Variants in PTPRA observed in about 807,000 individuals in gnomAD.
The protein encoded by PTPRA is receptor-type tyrosine-protein phosphatase alpha.
A neutral mutation model predicts 104.8 loss-of-function variants in PTPRA; 25 were observed. That is an observed-to-expected ratio of 0.24 (90% CI 0.17 to 0.33). The LOEUF (loss-of-function observed/expected upper bound fraction) is 0.33, where lower values mean the gene tolerates loss of function less well. Ranked by LOEUF, PTPRA falls within the 10% of genes least tolerant of loss-of-function variation. The pLI is 1.00. For missense variants in PTPRA, 765 were observed against 1,015.3 expected (o/e 0.75, Z 3.35); for synonymous variants, 323 against 368.9 (o/e 0.88, Z 1.43).
chr20:2,937,325 A>G (rs948662270), intron 2 of PTPRA, among the ~76,000 whole-genome samples: 4 of 151,862 alleles, frequency 2.6e-5, no homozygotes, highest in Admixed American at 1.3e-4. Context: ...AGGTTTCACC[A>G]TGTTGGCCAG....
chr20:2,978,763 G>A (rs2062549599), intron 6 of PTPRA, among the ~76,000 whole-genome samples: 1 of 152,128 alleles, frequency 6.6e-6, no homozygotes, highest in Non-Finnish European at 1.5e-5. Flanking sequence ...ACTCAGCTCT[G>A]CCTTTGTAAT....
In PTPRA at chr20:3,027,693, C is replaced by T; in HGVS notation, c.1786-14C>T. ...TAAACCATCTCACCCTTGCAATTAACCTGGCCTGTGCAGGGCTACCGGCAG... is the reference window on the plus strand; with the variant it reads ...TAAACCATCTCACCCTTGCAATTAATCTGGCCTGTGCAGGGCTACCGGCAG... On this transcript the variant is annotated splice_polypyrimidine_tract_variant and intron_variant, in intron 19 of 23. Coordinates refer to ENST00000399903, the MANE Select transcript of PTPRA (RefSeq NM_001385305.1). 1 of 1,612,872 alleles carries T rather than the reference C, an allele frequency of 6.2e-7. No homozygotes were observed. The highest frequency in any genetic ancestry group is 8.5e-7 in the Non-Finnish European group (1 of 1,179,550).
chr20:2,944,266 T>C (rs145253081), intron 2 of PTPRA, among the ~76,000 whole-genome samples: 2,340 of 152,208 alleles, frequency 0.015, 121 homozygotes, highest in Admixed American at 0.09. Context: ...GGTCTCGAAC[T>C]CCTCACCTCA....
At chr20:2,949,939 T>C (rs2061298086) in intron 3 of PTPRA, among the ~76,000 whole-genome samples, 2 of 152,148 alleles carry the variant, frequency 1.3e-5, no homozygotes, top group Admixed American at 6.5e-5. Context: ...AACTGGATCA[T>C]GATTTATCTT....
At chr20:2,998,645 C>A (rs1249242014) in intron 9 of PTPRA, among the ~76,000 whole-genome samples, 1 of 152,068 alleles carries the variant, frequency 6.6e-6, no homozygotes, top group African/African-American at 2.4e-5. Flanking sequence ...CAAGACCTAC[C>A]TTGGAAGGTA....
intron 9 of PTPRA, 113 bp downstream of exon 9, chr20:2,988,587 G>A: frequency 7.1e-7 from 1 of 1,416,902 alleles, no homozygotes; most frequent in Non-Finnish European, 9.4e-7. Context: ...TGTTTAAGAG[G>A]TGAGAAATGT....
Position 2,964,899 on chromosome 20 carries a change from T to A in PTPRA, c.112T>A (p.Ser38Thr), listed in dbSNP as rs746479592. 1 of 1,614,082 alleles carries A rather than the reference T, an allele frequency of 6.2e-7. No individual in the cohort carries two copies. Among genetic ancestry groups the A allele is most frequent in the Admixed American group, 1.7e-5 (1 of 60,018 alleles). ...SVGITRLINSSTAEPVKEEAK... is the reference protein window; with the variant it reads ...SVGITRLINSTTAEPVKEEAK... ...AGGAATTACAAGATTAATTAACTCA[T>A]CAACGGCAGAACCAGTTAAAGAAGA... is the stretch of plus-strand genomic sequence containing the variant. The change falls in exon 5 of 24, where the codon TCA (serine) becomes ACA (threonine). Residue 38 changes from serine to threonine, a missense_variant. Coordinates refer to ENST00000399903, the MANE Select transcript of PTPRA (RefSeq NM_001385305.1).
chr20:2,927,966 T>C (rs2060366356), intron 2 of PTPRA, among the ~76,000 whole-genome samples: 1 of 151,488 alleles, frequency 6.6e-6, no homozygotes, highest in South Asian at 2.1e-4. Context: ...GCCAAGATCA[T>C]ACCATTGCAC....
chr20:2,969,092 A>T (rs2062054010), intron 5 of PTPRA, among the ~76,000 whole-genome samples: 1 of 151,880 alleles, frequency 6.6e-6, no homozygotes. Flanking sequence ...TATACTTGTA[A>T]TCCCAGCTAC....
intron 11 of PTPRA, among the ~76,000 whole-genome samples, chr20:3,013,004 A>G (rs1224749723): frequency 1.3e-5 from 2 of 152,176 alleles, no homozygotes; most frequent in Non-Finnish European, 2.9e-5. Context: ...ATATTCACAT[A>G]TAACTGCAGC....
intron 13 of PTPRA, among the ~76,000 whole-genome samples, chr20:3,018,929 C>T (rs1418401916): frequency 8.0e-6 from 1 of 124,666 alleles, no homozygotes; most frequent in Non-Finnish European, 1.7e-5. Flanking sequence ...TAGGGGCGGC[C>T]GGGCAGAGGC....
intron 6 of PTPRA, among the ~76,000 whole-genome samples, chr20:2,982,442 A>T (rs2062718862): frequency 6.6e-6 from 1 of 150,740 alleles, no homozygotes; most frequent in African/African-American, 2.4e-5. Flanking sequence ...ATAAATTACT[A>T]TTTTTTTTTG....
chr20:3,003,212 T>A (rs1027220730), intron 9 of PTPRA, among the ~76,000 whole-genome samples: 3 of 152,350 alleles, frequency 2.0e-5, no homozygotes, highest in African/African-American at 7.2e-5. Flanking sequence ...GAACTGCACT[T>A]ATATTTGATT....
At chr20:3,029,610 C>G (rs1001045990) in intron 20 of PTPRA, among the ~76,000 whole-genome samples, 11 of 130,818 alleles carry the variant, frequency 8.4e-5, no homozygotes, top group African/African-American at 3.4e-4. Context: ...AATATGGGCT[C>G]ATTGCAACCT....
rs2065832047 is a variant in PTPRA at position 3,037,025 on chromosome 20, T to TG, written c.2199-127dup. ...CTCCCGACCCAGAACCCCTCCAGGC[T>TG]GGTGGGTCCACAGGGCAAAGGCGAG... On this transcript the variant is annotated intron_variant, in intron 22 of 23. Coordinates refer to ENST00000399903, the MANE Select transcript of PTPRA (RefSeq NM_001385305.1). The surrounding 1 kb of genome is among the most constrained non-coding windows in gnomAD (Gnocchi z 4.3). 1.5e-6 allele frequency: 2 copies of TG among 1,311,978 alleles called. No individual in the cohort carries two copies. Among genetic ancestry groups the TG allele is most frequent in the South Asian group, 1.4e-5 (1 of 71,994 alleles). The allele number at this position is 1,311,978 out of a possible 1,614,324, so 81.3% of individuals were successfully genotyped here.
At chr20:2,923,792 T>C (rs1285452191) in intron 2 of PTPRA, among the ~76,000 whole-genome samples, 2 of 151,958 alleles carry the variant, frequency 1.3e-5, no homozygotes, top group Non-Finnish European at 2.9e-5. Flanking sequence ...AGAATGAAAC[T>C]CCTTCTCAAA....
chr20:3,018,682 C>T (rs1372938548), intron 13 of PTPRA, among the ~76,000 whole-genome samples: 8 of 151,620 alleles, frequency 5.3e-5, no homozygotes, highest in Admixed American at 1.3e-4. Context: ...CCTTTCCCCC[C>T]TTTCTATTCC....
At chr20:2,968,507 T>TTTTTTTTG (rs759599927) in intron 5 of PTPRA, among the ~76,000 whole-genome samples, 5,051 of 145,164 alleles carry the variant, frequency 0.035, 198 homozygotes, top group Admixed American at 0.092. Context: ...CTTTTTTTTT[T>TTTTTTTTG]TTCTCAAATT....
At chr20:2,872,085 G>T (rs756956756), upstream of PTPRA, among the ~76,000 whole-genome samples, 1 of 152,104 alleles carries the variant, frequency 6.6e-6, no homozygotes, top group Non-Finnish European at 1.5e-5. This position sits in a 1 kb window ranked among gnomAD's most constrained non-coding sequence, Gnocchi z 7.9. Flanking sequence ...AGAAGGCGGT[G>T]GTGGGGACCG....
Sources: allele counts gnomAD v4.1 joint callset (sites outside exome capture counted in the v4.1 genomes callset), GRCh38; gene constraint gnomAD v4.1.1; non-coding constraint Gnocchi (gnomAD v3.1); transcripts MANE v1.5; gene names NCBI Gene and HGNC (gene_info 2026-07-23, HGNC 2026-07-21).